Variants in ACOT9 observed in about 807,000 individuals in gnomAD.
ACOT9 encodes the protein acyl-coenzyme A thioesterase 9, mitochondrial.
Under a neutral mutation model 39.7 loss-of-function variants are expected in ACOT9, and 34 were observed. The observed-to-expected ratio is 0.86, with a 90% CI of 0.65 to 1.14. The LOEUF (loss-of-function observed/expected upper bound fraction) is 1.14. ACOT9 is among the 50% of genes most tolerant of loss of function. The pLI is 0.00. For missense variants in ACOT9, 313 were observed against 344.1 expected (o/e 0.91, Z 0.71); for synonymous variants, 110 against 120.5 (o/e 0.91, Z 0.57).
At chrX:23,713,235 CAT>C (rs770845318) in intron 8 of ACOT9, 27 bp from the exon 9 acceptor site, 2 of 1,129,055 alleles carry the variant, frequency 1.8e-6, no homozygotes, top group African/African-American at 3.6e-5. Flanking sequence ...AGAAAATGTA[CAT>C]ATGAGAAATG....
rs182211111 is a variant in ACOT9, at chrX:23,717,668, T to C, written c.588+4213A>G. On this transcript the variant is annotated intron_variant, in intron 8 of 15. Coordinates refer to ENST00000379303, the MANE Select transcript of ACOT9 (RefSeq NM_001037171.2). The stretch of plus-strand genomic sequence containing the variant: ...CAATCAGTTTGGAACATACTGTTTA[T>C]TGGAACTTGAGGTAGCAACAGCACG... Among the ~76,000 whole-genome samples the C allele has an allele frequency of 3.3e-3, 371 of 110,965 alleles. 3 individuals are homozygous for C. The highest frequency in any genetic ancestry group is 0.011 in the African/African-American group (343 of 30,524).
At chrX:23,731,088 G>A in intron 4 of ACOT9, 102 bp from the exon 5 acceptor site, 2 of 660,395 alleles carry the variant, frequency 3.0e-6, no homozygotes, top group Non-Finnish European at 4.4e-6. Flanking sequence ...GGAAAAAGAA[G>A]GTCTGGGCCT....
chrX:23,722,676 T>C lies in ACOT9; in HGVS notation c.478A>G (p.Lys160Glu), dbSNP rs755148226. The change falls in exon 7 of 16, where the codon AAG (lysine) becomes GAG (glutamate). Residue 160 changes from lysine to glutamate, a missense_variant. Coordinates refer to ENST00000379303, the MANE Select transcript of ACOT9 (RefSeq NM_001037171.2). ...PLSIVTALVD[K>E]IDMCKKSLSP... The stretch of plus-strand genomic sequence containing the variant: ...AGAAAATGATATCACTTACCAATCT[T>C]ATCCACCAGGGCTGTAACTATCGAT... The C allele has an allele frequency of 1.7e-6, 2 of 1,174,532 alleles. No individual in the cohort carries two copies. The highest frequency in any genetic ancestry group is 2.3e-6 in the Non-Finnish European group (2 of 867,957).
At position 23,743,245 on chromosome X, in the gene ACOT9, C is replaced by T; in HGVS notation, c.-101G>A. 2 of 1,031,221 alleles carry T rather than the reference C, an allele frequency of 1.9e-6. No homozygotes were observed. The highest frequency in any genetic ancestry group is 2.6e-6 in the Non-Finnish European group (2 of 779,515). The allele number at this position is 1,031,221 out of a possible 1,213,427, so 85.0% of individuals were successfully genotyped here. On this transcript the variant is annotated 5_prime_UTR_variant, in exon 1 of 16. Coordinates refer to ENST00000379303, the MANE Select transcript of ACOT9 (RefSeq NM_001037171.2). ...AAGACGCACGAGTACCAGACCGCGCCCTTGCTGAGGACAGCCCGGGAGCCG... is the reference window on the plus strand; with the variant it reads ...AAGACGCACGAGTACCAGACCGCGCTCTTGCTGAGGACAGCCCGGGAGCCG...
At chrX:23,710,697 T>A (rs893990101) in intron 9 of ACOT9, among the ~76,000 whole-genome samples, 1 of 110,975 alleles carries the variant, frequency 9.0e-6, no homozygotes, top group Non-Finnish European at 1.9e-5. Flanking sequence ...CTACAAAAAA[T>A]TTAAAAATTA....
At chrX:23,705,747 T>C in intron 12 of ACOT9, 21 bp downstream of exon 12, 1 of 1,184,864 alleles carries the variant, frequency 8.4e-7, no homozygotes, top group Non-Finnish European at 1.1e-6. Context: ...CCTATTCGGA[T>C]TTCTCACTAA....
In ACOT9 at chrX:23,733,165, T is replaced by C. The variant is rs371771965; in HGVS notation, c.191+7A>G. On this transcript the variant is annotated splice_region_variant and intron_variant, in intron 4 of 15. Transcript: ENST00000379303. ...TGAAAAGAATGAATGAAAACAAAGATGCATACCTCCAGTTTGTGGATGCTC... is the reference window on the plus strand; with the variant it reads ...TGAAAAGAATGAATGAAAACAAAGACGCATACCTCCAGTTTGTGGATGCTC... 14 of 1,205,061 alleles carry C rather than the reference T, an allele frequency of 1.2e-5. No homozygotes were observed. The African/African-American group carries it at 2.1e-4, about 18-fold the overall frequency.
intron 3 of ACOT9, 59 bp downstream of exon 3, chrX:23,734,282 T>A (rs914313709): frequency 2.8e-6 from 3 of 1,068,198 alleles, no homozygotes; most frequent in Non-Finnish European, 3.8e-6. Flanking sequence ...CAAGCGTATA[T>A]TAGTGCTTAC....
chrX:23,720,491 A>G (rs1408155754), intron 8 of ACOT9, among the ~76,000 whole-genome samples: 1 of 111,426 alleles, frequency 9.0e-6, no homozygotes, highest in Non-Finnish European at 1.9e-5. Context: ...CTGACAAGAG[A>G]CACCAGAGAG....
chrX:23,726,131 T>C (rs1929512720), intron 6 of ACOT9, among the ~76,000 whole-genome samples: 1 of 109,843 alleles, frequency 9.1e-6, no homozygotes, highest in African/African-American at 3.3e-5. Flanking sequence ...ACCCGGGAGA[T>C]GGAGGATGCA....
At chrX:23,714,719 G>A (rs1217255949) in intron 8 of ACOT9, among the ~76,000 whole-genome samples, 1 of 110,603 alleles carries the variant, frequency 9.0e-6, no homozygotes, top group Non-Finnish European at 1.9e-5. Context: ...CGACCTCATG[G>A]GCTCAAGCAA....
At chrX:23,704,402 G>A (rs372014042) in intron 15 of ACOT9, among the ~76,000 whole-genome samples, 14 of 100,512 alleles carry the variant, frequency 1.4e-4, no homozygotes, top group Non-Finnish European at 2.4e-4. Context: ...GGATGGTCTC[G>A]ATCTCCTGAA....
intron 9 of ACOT9, among the ~76,000 whole-genome samples, chrX:23,712,336 C>A (rs773599527): frequency 1.2e-3 from 117 of 98,439 alleles, no homozygotes; most frequent in African/African-American, 4.3e-3. Flanking sequence ...ACCCAGGAGG[C>A]GGAGGTTGCA....
rs777192782 is a variant in ACOT9 at position 23,713,233 on chromosome X, T to C, written c.589-25A>G. ...ACTGAAGAACAAAGGAAAGAAAATGTACATATGAGAAATGGATTTATCGGG... is the reference window on the plus strand; with the variant it reads ...ACTGAAGAACAAAGGAAAGAAAATGCACATATGAGAAATGGATTTATCGGG... On this transcript the variant is annotated intron_variant, in intron 8 of 15. Coordinates refer to ENST00000379303, the MANE Select transcript of ACOT9 (RefSeq NM_001037171.2). 18 of 1,131,700 alleles carry C rather than the reference T, an allele frequency of 1.6e-5. No individual in the cohort carries two copies. The South Asian group carries it at 1.9e-4, about 12-fold the overall frequency. The allele number at this position is 1,131,700 out of a possible 1,213,427, so 93.3% of individuals were successfully genotyped here. A position where few individuals can be genotyped will look rare whatever the true frequency, so the allele number is the denominator to read the frequency against.
intron 6 of ACOT9, among the ~76,000 whole-genome samples, chrX:23,725,138 T>C (rs1418098111): frequency 9.0e-6 from 1 of 110,661 alleles, no homozygotes; most frequent in Non-Finnish European, 1.9e-5. Flanking sequence ...GAAAATGTAA[T>C]ATAAATGTAG....
At chrX:23,724,535 A>C (rs1337063510) in intron 6 of ACOT9, among the ~76,000 whole-genome samples, 1 of 108,120 alleles carries the variant, frequency 9.2e-6, no homozygotes, top group Non-Finnish European at 1.9e-5. Flanking sequence ...ACTTTGGAAG[A>C]CAGAGGCAGA....
intron 6 of ACOT9, among the ~76,000 whole-genome samples, chrX:23,729,478 T>C (rs1030802825): frequency 1.8e-5 from 2 of 112,346 alleles, no homozygotes; most frequent in Non-Finnish European, 3.8e-5. Context: ...TTAGACAGTA[T>C]GACACATCAG....
intron 8 of ACOT9, among the ~76,000 whole-genome samples, chrX:23,714,783 C>T (rs1431568290): frequency 9.1e-6 from 1 of 110,460 alleles, no homozygotes; most frequent in East Asian, 2.8e-4. Context: ...CACCACCACA[C>T]CCAGCTAATT....
At chrX:23,733,974 T>C (rs988552274) in intron 3 of ACOT9, among the ~76,000 whole-genome samples, 1 of 111,721 alleles carries the variant, frequency 9.0e-6, no homozygotes, top group Admixed American at 9.6e-5. Context: ...TTGGTCAGGC[T>C]GGTCTTGAAC....
Sources: allele counts gnomAD v4.1 joint callset (sites outside exome capture counted in the v4.1 genomes callset), GRCh38; gene constraint gnomAD v4.1.1; transcripts MANE v1.5; gene names NCBI Gene and HGNC (gene_info 2026-07-23, HGNC 2026-07-21).